The following DMXL2 variants were observed in gnomAD, a reference collection of about 807,000 sequenced individuals.
The protein encoded by DMXL2 is Dmx like 2.
A neutral mutation model predicts 331.1 loss-of-function variants in DMXL2; 103 were observed. The ratio of observed to expected loss-of-function variants is 0.31; its 90% CI spans 0.27 to 0.37. The LOEUF (loss-of-function observed/expected upper bound fraction) is 0.37, where lower values mean the gene tolerates loss of function less well. Ranked by LOEUF, DMXL2 falls within the 10% of genes least tolerant of loss-of-function variation. DMXL2 has a pLI of 1.00. For missense variants in DMXL2, 3,171 were observed against 3,642.9 expected, an observed-to-expected ratio of 0.87 and a Z score of 3.33; for synonymous variants, 1,281 against 1,252.1, an observed-to-expected ratio of 1.02 and a Z score of -0.49.
At position 51,456,331 on chromosome 15, in the gene DMXL2, A is replaced by G; in HGVS notation, c.8376T>C (p.Thr2792=). ...KRNLHNVKRM[T]SHPVHQYYLT... is the part of the protein sequence containing the mutation. ...TACAGTATTGATGGACTGGGTGTGA[A>G]GTCATTCTCTTAACATTATGTAGAT... Residue 2792 remains threonine, a synonymous_variant, in exon 38 of 44, where the codon ACT becomes ACC. Coordinates refer to ENST00000560891, the MANE Select transcript of DMXL2 (RefSeq NM_001378457.1). 1.3e-6 allele frequency: 2 copies of G among 1,598,020 alleles called. No homozygotes were observed. The highest frequency in any genetic ancestry group is 2.2e-5 in the East Asian group (1 of 44,794).
intron 1 of DMXL2, among the ~76,000 whole-genome samples, chr15:51,594,872 G>A (rs1257072494): frequency 6.6e-6 from 1 of 152,190 alleles, no homozygotes; most frequent in African/African-American, 2.4e-5. Context: ...CAACCTTCAT[G>A]CTAAAAACTC....
chr15:51,573,388 C>T (rs1442260918), intron 2 of DMXL2, among the ~76,000 whole-genome samples: 1 of 152,182 alleles, frequency 6.6e-6, no homozygotes, highest in Non-Finnish European at 1.5e-5. Flanking sequence ...TTTAAAGACA[C>T]ATGCACATGT....
chr15:51,535,911 A>G, intron 12 of DMXL2, 127 bp from the exon 13 acceptor site: 1 of 1,093,498 alleles, frequency 9.1e-7, no homozygotes, highest in Non-Finnish European at 1.3e-6. Flanking sequence ...ATAATTAAAC[A>G]GGCACAATAA....
intron 13 of DMXL2, among the ~76,000 whole-genome samples, chr15:51,521,683 C>T (rs1471023388): frequency 6.6e-6 from 1 of 152,046 alleles, no homozygotes; most frequent in African/African-American, 2.4e-5. Flanking sequence ...AATTTCACAT[C>T]CTGAAATCAG....
At chr15:51,529,288 A>C (rs2047864523) in intron 13 of DMXL2, among the ~76,000 whole-genome samples, 1 of 152,126 alleles carries the variant, frequency 6.6e-6, no homozygotes, top group Non-Finnish European at 1.5e-5. Flanking sequence ...TGAAACAAAG[A>C]AAATCATACA....
rs746156735 is a variant in DMXL2, at chr15:51,563,367, G to C, written c.567+14C>G. 6.4e-7 allele frequency: 1 copy of C among 1,573,506 alleles called. No individual in the cohort carries two copies. On this transcript the variant is annotated intron_variant, in intron 6 of 43. Transcript: ENST00000560891. ...TTATTTGTTTATTTCGTATGTTTTT[G>C]TTTGATCCTTTACCTTTCCAGCAGT...
intron 2 of DMXL2, among the ~76,000 whole-genome samples, chr15:51,573,773 C>T (rs2141116521): frequency 2.0e-5 from 3 of 152,120 alleles, no homozygotes; most frequent in Middle Eastern, 6.8e-3. Flanking sequence ...AGCAAACCAC[C>T]ATGGCACGTG....
chr15:51,528,284 T>C (rs920569830), intron 13 of DMXL2, among the ~76,000 whole-genome samples: 2 of 152,064 alleles, frequency 1.3e-5, no homozygotes, highest in African/African-American at 4.8e-5. Flanking sequence ...AGACATATAG[T>C]GGCTGAATGG....
chr15:51,591,201 G>C (rs1412622344), intron 1 of DMXL2, among the ~76,000 whole-genome samples: 1 of 152,270 alleles, frequency 6.6e-6, no homozygotes, highest in Non-Finnish European at 1.5e-5. Flanking sequence ...AGCGGTGACA[G>C]ACGGCACCTG....
At chr15:51,585,813 T>C (rs2051776116) in intron 1 of DMXL2, among the ~76,000 whole-genome samples, 1 of 152,198 alleles carries the variant, frequency 6.6e-6, no homozygotes, top group Non-Finnish European at 1.5e-5. Context: ...TTATCAGCCA[T>C]TTATATTTCT....
intron 6 of DMXL2, among the ~76,000 whole-genome samples, chr15:51,560,461 A>G (rs2049881200): frequency 6.7e-6 from 1 of 148,952 alleles, no homozygotes; most frequent in East Asian, 2.0e-4. Context: ...AAATAAAGGG[A>G]AAAGAGACCA....
intron 1 of DMXL2, among the ~76,000 whole-genome samples, chr15:51,613,369 T>C (rs530943631): frequency 1.3e-5 from 2 of 152,324 alleles, no homozygotes; most frequent in African/African-American, 4.8e-5. Flanking sequence ...GTCCATGAAA[T>C]CTTCACAATT....
chr15:51,460,838 C>CT lies in DMXL2; in HGVS notation c.7927-1179dup, dbSNP rs370191284. ...CATAATTTTTTTCTTAATAAAACACCTTTTTTTTCAGATCTGAGCTATTCA... is the reference window on the plus strand; with the variant it reads ...CATAATTTTTTTCTTAATAAAACACCTTTTTTTTTCAGATCTGAGCTATTCA... On this transcript the variant is annotated intron_variant, in intron 33 of 43. Transcript: ENST00000560891. Among the ~76,000 whole-genome samples, 222 of 151,938 alleles carry CT rather than the reference C, an allele frequency of 1.5e-3. 1 individual carries two copies. The highest frequency in any genetic ancestry group is 4.7e-3 in the African/African-American group (193 of 41,464).
chr15:51,460,287 T>C, intron 33 of DMXL2: 1 of 985,528 alleles, frequency 1.0e-6, no homozygotes. Context: ...CTCTTCCTCA[T>C]ACCTTTTCAG....
chr15:51,489,558 G>A (rs2042643683), intron 20 of DMXL2, among the ~76,000 whole-genome samples: 1 of 151,986 alleles, frequency 6.6e-6, no homozygotes, highest in Non-Finnish European at 1.5e-5. Flanking sequence ...TTGGAGGCTG[G>A]TTGGGAGAAT....
chr15:51,465,748 A>G (rs961938455), intron 30 of DMXL2, 97 bp from the exon 31 acceptor site: 47 of 867,756 alleles, frequency 5.4e-5, no homozygotes, highest in Non-Finnish European at 6.9e-5. Flanking sequence ...CCACTCTCCA[A>G]CCCAGAAAAA....
intron 19 of DMXL2, among the ~76,000 whole-genome samples, chr15:51,493,800 G>A (rs1274348988): frequency 6.6e-6 from 1 of 152,146 alleles, no homozygotes; most frequent in African/African-American, 2.4e-5. Context: ...AAGAGAACGT[G>A]GAGATACCAT....
In DMXL2 at chr15:51,471,482, T is replaced by C. The variant is rs1052958227; in HGVS notation, c.7214-81A>G. 3.0e-5 allele frequency: 40 copies of C among 1,336,246 alleles called. No individual in the cohort carries two copies. The African/African-American group carries it at 5.3e-4, about 18-fold the overall frequency. The allele number at this position is 1,336,246 out of a possible 1,614,324, so 82.8% of individuals were successfully genotyped here. A position where few individuals can be genotyped will look rare whatever the true frequency, so the allele number is the denominator to read the frequency against. ...ATAGAGTTAAGCTTTCTTTTTATCC[T>C]ACTCTTGCCATGTTTTGGTCTAAAC... On this transcript the variant is annotated intron_variant, in intron 28 of 43. Coordinates refer to ENST00000560891, the MANE Select transcript of DMXL2 (RefSeq NM_001378457.1).
intron 26 of DMXL2, among the ~76,000 whole-genome samples, chr15:51,476,982 C>T (rs1595942752): frequency 6.6e-6 from 1 of 151,958 alleles, no homozygotes; most frequent in Admixed American, 6.6e-5. Context: ...CACTTTAATA[C>T]TTTAAAATCT....
Sources: gnomAD v4.1 joint callset for allele counts (sites outside exome capture counted in the v4.1 genomes callset) on GRCh38, gnomAD v4.1.1 for gene constraint, MANE v1.5 for transcripts, NCBI Gene and HGNC (gene_info 2026-07-23, HGNC 2026-07-21) for gene names.